PTPRD: variants seen among roughly 807,000 people sequenced by gnomAD.
PTPRD encodes the protein protein tyrosine phosphatase receptor type D, also known as receptor-type tyrosine-protein phosphatase delta.
Under a neutral mutation model 214.5 loss-of-function variants are expected in PTPRD, and 34 were observed. The observed-to-expected ratio is 0.16, with a 90% CI of 0.12 to 0.21. The LOEUF (loss-of-function observed/expected upper bound fraction) is 0.21, where lower values mean the gene tolerates loss of function less well. Ranked by LOEUF, PTPRD falls within the 10% of genes least tolerant of loss-of-function variation. The pLI, the probability that PTPRD is intolerant of heterozygous loss-of-function variation, is 1.00. For missense variants in PTPRD, 2,545 were observed against 2,398.7 expected (o/e 1.06, Z -1.27); for synonymous variants, 1,128 against 845.7 (o/e 1.33, Z -5.79).
intron 10 of PTPRD, among the ~76,000 whole-genome samples, chr9:9,027,629 G>A (rs79144601): frequency 0.011 from 1,627 of 151,898 alleles, 19 homozygotes; most frequent in African/African-American, 0.037. Context: ...TATCTATCAA[G>A]AGGTCTTAAT....
chr9:8,553,948 G>A (rs1360478853), intron 14 of PTPRD, among the ~76,000 whole-genome samples: 1 of 152,144 alleles, frequency 6.6e-6, no homozygotes, highest in African/African-American at 2.4e-5. Flanking sequence ...TAGCACTTTG[G>A]GAGGCTGAGG....
chr9:9,817,511 C>T (rs993036351), intron 5 of PTPRD, among the ~76,000 whole-genome samples: 4 of 152,088 alleles, frequency 2.6e-5, no homozygotes, highest in Admixed American at 1.3e-4. Flanking sequence ...GAGGCCAAAT[C>T]TAAAAGAAAT....
chr9:10,415,371 T>C (rs567428995), intron 2 of PTPRD, among the ~76,000 whole-genome samples: 4 of 151,878 alleles, frequency 2.6e-5, no homozygotes, highest in Admixed American at 6.6e-5. Flanking sequence ...TAATGTCCTA[T>C]TTTATATGCT....
At chr9:9,998,127 A>ATATATATATATATAT (rs1231969776) in intron 4 of PTPRD, among the ~76,000 whole-genome samples, 15 of 55,178 alleles carry the variant, frequency 2.7e-4, no homozygotes, top group African/African-American at 9.4e-4. Context: ...AAAAAAAAAA[A>ATATATATATATATAT]AAATATATAT....
intron 3 of PTPRD, among the ~76,000 whole-genome samples, chr9:10,116,510 T>C (rs986833576): frequency 9.9e-5 from 15 of 152,256 alleles, no homozygotes; most frequent in African/African-American, 3.1e-4. Context: ...AATTATAGCA[T>C]TGAATACACA....
intron 10 of PTPRD, among the ~76,000 whole-genome samples, chr9:9,040,976 G>C (rs938604291): frequency 1.3e-5 from 2 of 152,072 alleles, no homozygotes; most frequent in Non-Finnish European, 2.9e-5. Context: ...AGCTTGATTT[G>C]TAAGTGTTCT....
chr9:9,491,614 T>C (rs1293699050), intron 8 of PTPRD, among the ~76,000 whole-genome samples: 1 of 151,918 alleles, frequency 6.6e-6, no homozygotes, highest in East Asian at 1.9e-4. Flanking sequence ...ACAGGATAAA[T>C]TTAGAAGTTA....
chr9:9,415,003 T>G (rs1171947680), intron 8 of PTPRD, among the ~76,000 whole-genome samples: 1 of 152,182 alleles, frequency 6.6e-6, no homozygotes, highest in Non-Finnish European at 1.5e-5. Flanking sequence ...CTGAAACTCT[T>G]TATAACTTTT....
chr9:8,898,386 C>T (rs753005258), intron 11 of PTPRD, among the ~76,000 whole-genome samples: 1 of 152,024 alleles, frequency 6.6e-6, no homozygotes, highest in African/African-American at 2.4e-5. Flanking sequence ...AGAGGAAAAC[C>T]TAAGTACAAA....
intron 7 of PTPRD, among the ~76,000 whole-genome samples, chr9:9,718,470 C>T (rs1463411996): frequency 6.6e-6 from 1 of 152,134 alleles, no homozygotes; most frequent in African/African-American, 2.4e-5. Context: ...AGCCCTGCGC[C>T]CAACTAAATA....
At chr9:9,489,175 T>C (rs1206182231) in intron 8 of PTPRD, among the ~76,000 whole-genome samples, 1 of 152,058 alleles carries the variant, frequency 6.6e-6, no homozygotes, top group Non-Finnish European at 1.5e-5. Context: ...GGAAATGACA[T>C]AGGCGCAGAA....
At chr9:8,619,983 T>C (rs533512816) in intron 14 of PTPRD, among the ~76,000 whole-genome samples, 5 of 152,142 alleles carry the variant, frequency 3.3e-5, no homozygotes, top group African/African-American at 9.6e-5. Flanking sequence ...TCTCAGCTGC[T>C]CTGAACTTGT....
chr9:8,715,885 G>A (rs1195342034), intron 12 of PTPRD, among the ~76,000 whole-genome samples: 1 of 152,202 alleles, frequency 6.6e-6, no homozygotes, highest in Non-Finnish European at 1.5e-5. Context: ...CATTTTCACA[G>A]AAATAGTACA....
At chr9:9,957,594 G>C (rs1044603195) in intron 4 of PTPRD, among the ~76,000 whole-genome samples, 8 of 151,828 alleles carry the variant, frequency 5.3e-5, no homozygotes, top group Non-Finnish European at 1.0e-4. Context: ...CACCACCATA[G>C]CAAAAACAAA....
intron 9 of PTPRD, among the ~76,000 whole-genome samples, chr9:9,294,592 T>A (rs1952360705): frequency 6.6e-6 from 1 of 151,672 alleles, no homozygotes; most frequent in African/African-American, 2.4e-5. Context: ...GCGCTCTGTG[T>A]GCTATTTCTC....
At chr9:8,719,819 T>TA in intron 12 of PTPRD, among the ~76,000 whole-genome samples, 2 of 151,798 alleles carry the variant, frequency 1.3e-5, no homozygotes, top group South Asian at 4.2e-4. Context: ...GGGCTTTAGC[T>TA]AATGTATATC....
rs1182808371 is a variant in PTPRD at position 10,271,537 on chromosome 9, TTC to T, written c.-545+69424_-545+69425del. Reference sequence around the variant, plus strand: ...ATACTGATAAATTCAATTGTTTCTTTTCTTTTCTTTTCTTTTTTTTTTTGAGA... The same window carrying T: ...ATACTGATAAATTCAATTGTTTCTTTTTTTCTTTTCTTTTTTTTTTTGAGA... On this transcript the variant is annotated intron_variant, in intron 3 of 45. Coordinates refer to ENST00000381196, the MANE Select transcript of PTPRD (RefSeq NM_002839.4). Among the ~76,000 whole-genome samples, 5 of 37,016 alleles carry T rather than the reference TTC, an allele frequency of 1.4e-4. 1 individual carries two copies. Among genetic ancestry groups the T allele is most frequent in the Non-Finnish European group, 4.6e-4 (4 of 8,730 alleles). The allele number at this position is 37,016 out of a possible 152,430, so 24.3% of individuals were successfully genotyped here. A position where few individuals can be genotyped will look rare whatever the true frequency, so the allele number is the denominator to read the frequency against.
At chr9:9,975,168 T>C (rs1481853719) in intron 4 of PTPRD, among the ~76,000 whole-genome samples, 1 of 152,158 alleles carries the variant, frequency 6.6e-6, no homozygotes, top group Admixed American at 6.6e-5. Flanking sequence ...CTGTGCCCAG[T>C]AGACACAGTA....
At chr9:8,930,397 T>C (rs1015233167) in intron 11 of PTPRD, among the ~76,000 whole-genome samples, 8 of 152,170 alleles carry the variant, frequency 5.3e-5, no homozygotes, top group Non-Finnish European at 1.0e-4. Context: ...GTCTTTGCTA[T>C]TGTGAATAGT....
Sources: allele counts gnomAD v4.1 joint callset (sites outside exome capture counted in the v4.1 genomes callset), GRCh38; gene constraint gnomAD v4.1.1; transcripts MANE v1.5; gene names NCBI Gene and HGNC (gene_info 2026-07-23, HGNC 2026-07-21).